TMEM132D: variants seen among roughly 807,000 people sequenced by gnomAD.
The protein encoded by TMEM132D is mature OL transmembrane protein.
A neutral mutation model predicts 62.3 loss-of-function variants in TMEM132D; 21 were observed. That is an observed-to-expected ratio of 0.34 (90% CI 0.24 to 0.49). TMEM132D has a LOEUF of 0.49. Among genes scored for constraint, TMEM132D ranks in the 20% least tolerant of loss-of-function variants. The pLI is 0.99. For synonymous variants in TMEM132D, 621 were observed against 575.6 expected, an observed-to-expected ratio of 1.08 and a Z score of -1.13; for missense variants, 1,346 against 1,402.8, an observed-to-expected ratio of 0.96 and a Z score of 0.65.
chr12:129,697,002 C>G (rs905063356), intron 2 of TMEM132D, among the ~76,000 whole-genome samples: 1 of 152,172 alleles, frequency 6.6e-6, no homozygotes, highest in Non-Finnish European at 1.5e-5. Context: ...CATATATACA[C>G]GCATACAAAT....
chr12:129,264,209 C>G (rs1880626786), intron 4 of TMEM132D, among the ~76,000 whole-genome samples: 1 of 152,066 alleles, frequency 6.6e-6, no homozygotes. Flanking sequence ...GGCAACATGG[C>G]AAAACCCAGT....
chr12:129,804,009 A>G (rs1213159194), intron 1 of TMEM132D, among the ~76,000 whole-genome samples: 1 of 117,674 alleles, frequency 8.5e-6, no homozygotes, highest in Non-Finnish European at 1.8e-5. Context: ...GAATCTCTGA[A>G]TAGACCAATA....
At chr12:129,585,285 C>T (rs1423439548) in intron 2 of TMEM132D, among the ~76,000 whole-genome samples, 1 of 152,102 alleles carries the variant, frequency 6.6e-6, no homozygotes, top group African/African-American at 2.4e-5. Flanking sequence ...TTCTACATAG[C>T]CAAGGACGCC....
chr12:129,515,933 C>CT (rs1416090045), intron 3 of TMEM132D, among the ~76,000 whole-genome samples: 14 of 152,252 alleles, frequency 9.2e-5, no homozygotes, highest in African/African-American at 2.9e-4. Flanking sequence ...GTTAATCTGT[C>CT]TTTTTTCATA....
intron 4 of TMEM132D, among the ~76,000 whole-genome samples, chr12:129,329,697 T>C (rs1869043734): frequency 6.6e-6 from 1 of 152,182 alleles, no homozygotes; most frequent in African/African-American, 2.4e-5. Context: ...GATAAGGCTG[T>C]TCTCTTACAC....
intron 3 of TMEM132D, among the ~76,000 whole-genome samples, chr12:129,432,306 G>GATCA (rs1566066896): frequency 3.0e-5 from 1 of 33,660 alleles, no homozygotes; most frequent in African/African-American, 1.5e-4. Flanking sequence ...TGGATGGATG[G>GATCA]ATGGATGGAT....
At chr12:129,543,408 A>ATGGATG in intron 2 of TMEM132D, among the ~76,000 whole-genome samples, 1 of 151,482 alleles carries the variant, frequency 6.6e-6, no homozygotes, top group Non-Finnish European at 1.5e-5. Flanking sequence ...ATGGATGGAT[A>ATGGATG]GACAGATAGA....
chr12:129,454,256 A>G (rs1873391069), intron 3 of TMEM132D, among the ~76,000 whole-genome samples: 1 of 152,236 alleles, frequency 6.6e-6, no homozygotes, highest in Non-Finnish European at 1.5e-5. Context: ...GGAAAAGATT[A>G]GACTTCAGAT....
At chr12:129,196,930 A>G (rs1878566184) in intron 5 of TMEM132D, among the ~76,000 whole-genome samples, 1 of 152,204 alleles carries the variant, frequency 6.6e-6, no homozygotes, top group Admixed American at 6.5e-5. Context: ...TGGAGGAGTT[A>G]CTTTTGGCTG....
intron 4 of TMEM132D, among the ~76,000 whole-genome samples, chr12:129,307,225 G>C (rs1881866504): frequency 6.6e-6 from 1 of 152,136 alleles, no homozygotes; most frequent in South Asian, 2.1e-4. Context: ...GATTTAGAGA[G>C]AAACTCGAGC....
At chr12:129,165,984 T>C (rs548528837) in intron 5 of TMEM132D, among the ~76,000 whole-genome samples, 1 of 152,378 alleles carries the variant, frequency 6.6e-6, no homozygotes, top group East Asian at 1.9e-4. Context: ...CATCTTATTT[T>C]AGTTCTCACA....
chr12:129,190,045 T>C (rs1593290424), intron 5 of TMEM132D, among the ~76,000 whole-genome samples: 1 of 151,396 alleles, frequency 6.6e-6, no homozygotes, highest in African/African-American at 2.4e-5. Context: ...GCGCTGAAGA[T>C]GCAGGGAAGG....
intron 3 of TMEM132D, among the ~76,000 whole-genome samples, chr12:129,502,156 C>T (rs759505698): frequency 1.6e-4 from 25 of 152,230 alleles, no homozygotes; most frequent in Non-Finnish European, 2.9e-4. Flanking sequence ...TCCGTCACCA[C>T]GCCCGGCTAA....
intron 5 of TMEM132D, among the ~76,000 whole-genome samples, chr12:129,166,710 CACATAT>C (rs750713360): frequency 0.075 from 9,598 of 127,178 alleles, 410 homozygotes; most frequent in Admixed American, 0.14. Flanking sequence ...CACACACACA[CACATAT>C]ACACACACAC....
At chr12:129,789,921 A>G (rs1871353450) in intron 1 of TMEM132D, among the ~76,000 whole-genome samples, 1 of 152,254 alleles carries the variant, frequency 6.6e-6, no homozygotes, top group Admixed American at 6.5e-5. Context: ...TGAAATCCAT[A>G]AATTAGCACA....
At chr12:129,401,838 G>C (rs1359329634) in intron 3 of TMEM132D, among the ~76,000 whole-genome samples, 2 of 152,148 alleles carry the variant, frequency 1.3e-5, no homozygotes, top group African/African-American at 4.8e-5. Context: ...ATCTAGCACA[G>C]GGCCCTGTAC....
intron 2 of TMEM132D, among the ~76,000 whole-genome samples, chr12:129,623,672 TAC>T (rs1195211188): frequency 2.8e-5 from 4 of 141,620 alleles, no homozygotes; most frequent in African/African-American, 5.3e-5. Context: ...TACATATATA[TAC>T]ACATATATAT....
chr12:129,723,358 C>T (rs917245842), intron 1 of TMEM132D, among the ~76,000 whole-genome samples: 11 of 152,156 alleles, frequency 7.2e-5, no homozygotes, highest in Non-Finnish European at 1.5e-5. Context: ...TCTGTCTGTC[C>T]ATGCAGTCGC....
chr12:129,842,761 C>T (rs1035118214), intron 1 of TMEM132D, among the ~76,000 whole-genome samples: 1 of 152,168 alleles, frequency 6.6e-6, no homozygotes, highest in Non-Finnish European at 1.5e-5. Flanking sequence ...GGGAGAGATT[C>T]CTGCTTCCTG....
Sources: gnomAD v4.1 joint callset for allele counts (sites outside exome capture counted in the v4.1 genomes callset) on GRCh38, gnomAD v4.1.1 for gene constraint, MANE v1.5 for transcripts, NCBI Gene and HGNC (gene_info 2026-07-23, HGNC 2026-07-21) for gene names.